RNF145: variants seen among roughly 807,000 people sequenced by gnomAD.
RNF145 encodes ring finger protein 145.
Under a neutral mutation model 57.3 loss-of-function variants are expected in RNF145, and 12 were observed. The ratio of observed to expected loss-of-function variants is 0.21; its 90% CI spans 0.13 to 0.34. The LOEUF is 0.34. Among genes scored for constraint, RNF145 ranks in the 10% least tolerant of loss-of-function variants. The pLI is 1.00. For missense variants in RNF145, 429 were observed against 799.0 expected (o/e 0.54, Z 5.58); for synonymous variants, 262 against 288.3 (o/e 0.91, Z 0.92).
chr5:159,207,502 G>C (rs1423863365), intron 1 of RNF145: 1 of 1,523,534 alleles, frequency 6.6e-7, no homozygotes, highest in Non-Finnish European at 8.8e-7. Context: ...CTCCCAACCA[G>C]TTAAAAAAAA....
intron 2 of RNF145, among the ~76,000 whole-genome samples, 161 bp from the exon 3 acceptor site, chr5:159,194,985 A>G (rs1005979198): frequency 1.3e-5 from 2 of 152,272 alleles, no homozygotes; most frequent in Admixed American, 6.5e-5. Flanking sequence ...TGACACCCCT[A>G]TGGATTTTTT....
At position 159,178,590 on chromosome 5, in the gene RNF145, T is replaced by C. The variant is rs1053749624; in HGVS notation, c.386-1723A>G. Among the ~76,000 whole-genome samples, 6 of 152,046 alleles carry C rather than the reference T, an allele frequency of 3.9e-5. No homozygotes were observed. The East Asian group carries it at 5.8e-4, about 15-fold the overall frequency. On this transcript the variant is annotated intron_variant, in intron 4 of 10. Transcript: ENST00000424310. ...ACCAAAATGAAAATTTGGGACTTGT[T>C]TGTATTCTATCCATATACATGTTGA...
At chr5:159,188,909 T>C (rs1785182323) in intron 3 of RNF145, among the ~76,000 whole-genome samples, 1 of 152,208 alleles carries the variant, frequency 6.6e-6, no homozygotes, top group Non-Finnish European at 1.5e-5. Flanking sequence ...AAATGTCTTT[T>C]TCTATAAGCT....
At chr5:159,208,515 G>T (rs2113264594) in intron 1 of RNF145, among the ~76,000 whole-genome samples, 1 of 152,258 alleles carries the variant, frequency 6.6e-6, no homozygotes, top group East Asian at 1.9e-4. Flanking sequence ...GGGACAAAAA[G>T]GAAGGGATGA....
intron 3 of RNF145, 104 bp downstream of exon 3, chr5:159,194,612 C>G: frequency 1.3e-6 from 1 of 750,194 alleles, no homozygotes; most frequent in Non-Finnish European, 2.3e-6. Flanking sequence ...TTTGGACCTA[C>G]CAAAGCCTTA....
chr5:159,173,933 G>A (rs1363400942), intron 6 of RNF145, 50 bp downstream of exon 6: 5 of 1,275,922 alleles, frequency 3.9e-6, no homozygotes, highest in East Asian at 5.1e-5. Context: ...CTAGATCAAA[G>A]TTTTCTCTTT....
intron 3 of RNF145, among the ~76,000 whole-genome samples, chr5:159,184,259 T>G (rs758161171): frequency 3.3e-5 from 5 of 152,270 alleles, no homozygotes; most frequent in Admixed American, 6.5e-5. Flanking sequence ...TTTCATAGCC[T>G]ACGTTAGTTT....
In RNF145 at chr5:159,169,960, C is replaced by G. The variant is rs943946456; in HGVS notation, c.798-141G>C. On this transcript the variant is annotated intron_variant, in intron 6 of 10. Transcript: ENST00000424310. ...AAACCAAAATTTGAGGAGAAATCAC[C>G]CAATTACTCCATTAATAATTTAACC... The G allele has an allele frequency of 2.4e-5, 14 of 595,052 alleles. No homozygotes were observed. In the African/African-American group the frequency reaches 2.5e-4, roughly 11 times the overall value. The allele number at this position is 595,052 out of a possible 1,614,324, so 36.9% of individuals were successfully genotyped here.
intron 4 of RNF145, among the ~76,000 whole-genome samples, chr5:159,177,661 T>C (rs186402133): frequency 6.6e-6 from 1 of 152,130 alleles, no homozygotes; most frequent in Non-Finnish European, 1.5e-5. Context: ...TTCCTAATAT[T>C]CTCTTAGGCT....
In RNF145 at chr5:159,183,513, T is replaced by C. The variant is rs1324063121; in HGVS notation, c.294-1462A>G. Among the ~76,000 whole-genome samples the C allele has an allele frequency of 5.3e-5, 8 of 152,150 alleles. No homozygotes were observed. In the East Asian group the frequency reaches 1.3e-3, roughly 26 times the overall value. On this transcript the variant is annotated intron_variant, in intron 3 of 10. Transcript: ENST00000424310. The stretch of plus-strand genomic sequence containing the variant: ...GAAAGACACAAATGCAAATAACACA[T>C]AAATATCTGATTACTATAGGTAACC...
At chr5:159,173,063 T>C (rs1232302499) in intron 6 of RNF145, among the ~76,000 whole-genome samples, 1 of 152,110 alleles carries the variant, frequency 6.6e-6, no homozygotes, top group Non-Finnish European at 1.5e-5. Context: ...GAAAATGACT[T>C]AAATGACATG....
chr5:159,172,893 C>T (rs1472568427), intron 6 of RNF145, among the ~76,000 whole-genome samples: 1 of 152,100 alleles, frequency 6.6e-6, no homozygotes, highest in Admixed American at 6.5e-5. Context: ...CCTATATTTA[C>T]TTTATAGGAG....
At chr5:159,159,823 A>G (rs1341125347) in intron 10 of RNF145, among the ~76,000 whole-genome samples, 1 of 152,250 alleles carries the variant, frequency 6.6e-6, no homozygotes, top group Non-Finnish European at 1.5e-5. Context: ...TTAAAGTTAT[A>G]AAGACATAAC....
At chr5:159,199,279 A>G (rs901195104) in intron 2 of RNF145, among the ~76,000 whole-genome samples, 7 of 152,164 alleles carry the variant, frequency 4.6e-5, no homozygotes, top group African/African-American at 1.7e-4. Flanking sequence ...CCAAACAACA[A>G]AAGATTAAAA....
At chr5:159,202,379 C>A (rs1785700226) in intron 2 of RNF145, among the ~76,000 whole-genome samples, 1 of 152,152 alleles carries the variant, frequency 6.6e-6, no homozygotes. Flanking sequence ...CAGTGTTTTG[C>A]AACATAAAGG....
chr5:159,176,127 T>A (rs1784712909), intron 5 of RNF145, among the ~76,000 whole-genome samples: 1 of 152,124 alleles, frequency 6.6e-6, no homozygotes, highest in Admixed American at 6.6e-5. Context: ...CTTTTCTGTT[T>A]AAATTAGGCA....
At chr5:159,173,906 T>G in intron 6 of RNF145, 77 bp downstream of exon 6, 2 of 1,031,244 alleles carry the variant, frequency 1.9e-6, no homozygotes, top group Non-Finnish European at 2.7e-6. Context: ...AAAAGTAATC[T>G]GCAAAACTTA....
At chr5:159,199,103 T>C (rs17663989) in intron 2 of RNF145, among the ~76,000 whole-genome samples, 18,462 of 152,114 alleles carry the variant, frequency 0.12, 1,464 homozygotes, top group South Asian at 0.2. Flanking sequence ...GTTGGGAAAA[T>C]AGATAAGCAT....
intron 10 of RNF145, 45 bp downstream of exon 10, chr5:159,161,221 T>C: frequency 8.0e-7 from 1 of 1,249,806 alleles, no homozygotes; most frequent in South Asian, 1.3e-5. Context: ...TCCCAAGGGA[T>C]ACACTGTATG....
Sources: gnomAD v4.1 joint callset for allele counts (sites outside exome capture counted in the v4.1 genomes callset) on GRCh38, gnomAD v4.1.1 for gene constraint, MANE v1.5 for transcripts, NCBI Gene and HGNC (gene_info 2026-07-23, HGNC 2026-07-21) for gene names.